The following SCG2 variants were observed in gnomAD, a reference collection of about 807,000 sequenced individuals.
SCG2 encodes secretogranin-2.
In SCG2, 23 loss-of-function variants were observed where a neutral mutation model predicts 49.5. That is an observed-to-expected ratio of 0.46 (90% CI 0.33 to 0.66). The LOEUF (loss-of-function observed/expected upper bound fraction) is 0.66, where lower values mean the gene tolerates loss of function less well. SCG2 is among the 30% of genes least tolerant of loss of function. The pLI, the probability that SCG2 is intolerant of heterozygous loss-of-function variation, is 0.01. For synonymous variants in SCG2, 288 were observed against 260.4 expected, an observed-to-expected ratio of 1.11 and a Z score of -1.02; for missense variants, 730 against 728.2, an observed-to-expected ratio of 1.00 and a Z score of -0.03.
At position 223,599,065 on chromosome 2, in the gene SCG2, T is replaced by C; in HGVS notation, c.218A>G (p.Glu73Gly). Residue 73 changes from glutamate to glycine, a missense_variant, in exon 2 of 2, where the codon GAA (glutamate) becomes GGA (glycine). Physicochemically the swap from Glu to Gly is moderately conservative, Grantham distance 98 (BLOSUM62 -2). Transcript: ENST00000305409. The stretch of plus-strand genomic sequence containing the variant: ...GTAGGGATTATAATCTGGGCTGCTT[T>C]CTTCCTTATGAGCTTGTTGTCGGAG... Reference protein sequence around the residue: ...ENLRQQAHKEESSPDYNPYQG... With the variant: ...ENLRQQAHKEGSSPDYNPYQG... 1 of 1,614,214 alleles carries C rather than the reference T, an allele frequency of 6.2e-7. No individual in the cohort carries two copies. Among genetic ancestry groups the C allele is most frequent in the Non-Finnish European group, 8.5e-7 (1 of 1,180,026 alleles).
chr2:223,602,255 C>T, intron 1 of SCG2, 30 bp downstream of exon 1: 1 of 152,124 alleles, frequency 6.6e-6, no homozygotes, highest in East Asian at 1.9e-4. Context: ...TTGGAACTTT[C>T]CAATAAATCA....
chr2:223,600,214 T>C (rs1243139724), intron 1 of SCG2, among the ~76,000 whole-genome samples: 1 of 152,208 alleles, frequency 6.6e-6, no homozygotes, highest in Non-Finnish European at 1.5e-5. Flanking sequence ...TTTTAGCTAG[T>C]CTATTTCTGA....
chr2:223,601,003 A>AT (rs923115814), intron 1 of SCG2, among the ~76,000 whole-genome samples: 13 of 151,932 alleles, frequency 8.6e-5, no homozygotes, highest in African/African-American at 1.9e-4. Flanking sequence ...TACTGAACTT[A>AT]TTTTTTTTGA....
chr2:223,599,229 T>C lies in SCG2; in HGVS notation c.54A>G (p.Leu18=). The change falls in exon 2 of 2, where the codon TTA becomes TTG. Residue 18 remains leucine, a synonymous_variant. Coordinates refer to ENST00000305409, the MANE Select transcript of SCG2 (RefSeq NM_003469.5). ...CTTCAGCCCCAGAGATGAGGAAAAT[T>C]AAAGGGATAAGAGACAGGGCTGCTC... ...WLGAALSLIP[L]IFLISGAEAA... is the part of the protein sequence containing the mutation. 6.2e-7 allele frequency: 1 copy of C among 1,608,752 alleles called. No homozygotes were observed. Among genetic ancestry groups the C allele is most frequent in the East Asian group, 2.2e-5 (1 of 44,694 alleles).
Position 223,598,364 on chromosome 2 carries a change from C to T in SCG2, c.919G>A (p.Val307Ile). The change falls in exon 2 of 2, where the codon GTC (valine) becomes ATC (isoleucine). Residue 307 changes from valine (V) to isoleucine (I), a missense_variant. By Grantham distance (29) the Val-to-Ile change is conservative. Coordinates refer to ENST00000305409, the MANE Select transcript of SCG2 (RefSeq NM_003469.5). ...TTCAAATAGGCAATTACTTTGGAGA[C>T]ATCATCTGAGAGTTGGTCTTTACTC... is the stretch of plus-strand genomic sequence containing the variant. ...KESKDQLSDD[V>I]SKVIAYLKRL... The T allele has an allele frequency of 6.2e-7, 1 of 1,614,070 alleles. No homozygotes were observed. Among genetic ancestry groups the T allele is most frequent in the Non-Finnish European group, 8.5e-7 (1 of 1,180,032 alleles).
rs757209616 is a variant in SCG2, at chr2:223,598,933, G to C, written c.350C>G (p.Ala117Gly). The change falls in exon 2 of 2, where the codon GCT becomes GGT. Residue 117 changes from alanine to glycine, a missense_variant. Ala to Gly is a moderately conservative substitution (Grantham distance 60). Transcript: ENST00000305409. Reference sequence around the variant, plus strand: ...AGGCTCATTTTCAGCCTGTCTCAAAGCTTCGAGTATTATTCTCATCCAGTC... The same window carrying C: ...AGGCTCATTTTCAGCCTGTCTCAAACCTTCGAGTATTATTCTCATCCAGTC... Reference protein sequence around the residue: ...EEDWMRIILEALRQAENEPQS... With the variant: ...EEDWMRIILEGLRQAENEPQS... 1 of 1,614,026 alleles carries C rather than the reference G, an allele frequency of 6.2e-7. No homozygotes were observed. The highest frequency in any genetic ancestry group is 1.3e-5 in the African/African-American group (1 of 74,912).
chr2:223,600,217 A>G (rs1187485589), intron 1 of SCG2, among the ~76,000 whole-genome samples: 1 of 152,176 alleles, frequency 6.6e-6, no homozygotes, highest in East Asian at 1.9e-4. Context: ...TAGCTAGTCT[A>G]TTTCTGAACT....
At position 223,598,366 on chromosome 2, in the gene SCG2, T is replaced by C; in HGVS notation, c.917A>G (p.Asp306Gly). Residue 306 changes from aspartate (D) to glycine (G), a missense_variant, in exon 2 of 2, where the codon GAT (aspartate) becomes GGT (glycine). Physicochemically the swap from Asp to Gly is moderately conservative, Grantham distance 94. Coordinates refer to ENST00000305409, the MANE Select transcript of SCG2 (RefSeq NM_003469.5). ...RKESKDQLSD[D>G]VSKVIAYLKR... ...CAAATAGGCAATTACTTTGGAGACA[T>C]CATCTGAGAGTTGGTCTTTACTCTC... 1.2e-6 allele frequency: 2 copies of C among 1,614,080 alleles called. No homozygotes were observed. Among genetic ancestry groups the C allele is most frequent in the Non-Finnish European group, 1.7e-6 (2 of 1,180,028 alleles).
In SCG2 at chr2:223,598,336, C is replaced by T. The variant is rs528005767; in HGVS notation, c.947G>A (p.Arg316Lys). 3.7e-6 allele frequency: 6 copies of T among 1,614,074 alleles called. No homozygotes were observed. The East Asian group carries it at 1.1e-4, about 30-fold the overall frequency. The change falls in exon 2 of 2, where the codon AGG becomes AAG. Residue 316 changes from arginine (R) to lysine (K), a missense_variant. Physicochemically the swap from Arg to Lys is conservative, Grantham distance 26. Coordinates refer to ENST00000305409, the MANE Select transcript of SCG2 (RefSeq NM_003469.5). Reference sequence around the variant, plus strand: ...CCCACTTCCTGCAGCATTTACTAACCTTTTCAAATAGGCAATTACTTTGGA... The same window carrying T: ...CCCACTTCCTGCAGCATTTACTAACTTTTTCAAATAGGCAATTACTTTGGA... ...DVSKVIAYLK[R>K]LVNAAGSGRL...
In SCG2 at chr2:223,598,260, T is replaced by C. The variant is rs140587903; in HGVS notation, c.1023A>G (p.Lys341=). Residue 341 remains lysine (K), a synonymous_variant, in exon 2 of 2, where the codon AAA becomes AAG. Transcript: ENST00000305409. The stretch of plus-strand genomic sequence containing the variant: ...GATAAATAGACTGAGAATCAAGAGG[T>C]TTCTCAAAAAGCCTGGTGGCCCTTT... ...NGERATRLFE[K]PLDSQSIYQL... is the part of the protein sequence containing the mutation. The C allele has an allele frequency of 1.7e-4, 271 of 1,614,080 alleles. 1 individual carries two copies. The East Asian group carries it at 6.0e-3, about 36-fold the overall frequency.
intron 1 of SCG2, among the ~76,000 whole-genome samples, chr2:223,600,174 T>C (rs1346504803): frequency 1.3e-5 from 2 of 152,220 alleles, no homozygotes; most frequent in African/African-American, 4.8e-5. Flanking sequence ...TAGTAAATAA[T>C]AACAGATGCT....
In SCG2 at chr2:223,597,593, G is replaced by T; in HGVS notation, c.1690C>A (p.Pro564Thr). Residue 564 changes from proline to threonine, a missense_variant, in exon 2 of 2, where the codon CCG (proline) becomes ACG (threonine). Pro to Thr is a conservative substitution (Grantham distance 38). Coordinates refer to ENST00000305409, the MANE Select transcript of SCG2 (RefSeq NM_003469.5). ...CCCACAGGGAACCTTTTGCTCACCG[G>T]GGCCAGCTTGTCAGTCTCCTGAGAG... is the stretch of plus-strand genomic sequence containing the variant. ...GSSQETDKLA[P>T]VSKRFPVGPP... The T allele has an allele frequency of 1.2e-6, 2 of 1,614,032 alleles. No individual in the cohort carries two copies. Among genetic ancestry groups the T allele is most frequent in the Non-Finnish European group, 8.5e-7 (1 of 1,179,988 alleles).
In SCG2 at chr2:223,597,401, T is replaced by A. The variant is rs370924598; in HGVS notation, c.*28A>T. 186 of 1,556,104 alleles carry A rather than the reference T, an allele frequency of 1.2e-4. No homozygotes were observed. Among genetic ancestry groups the A allele is most frequent in the South Asian group, 4.5e-4 (36 of 80,032 alleles). ...TGGGATTTGCTTGGGGTGGGAGGAA[T>A]GAAAGTAGGGTAATTAATGAAAGCA... On this transcript the variant is annotated 3_prime_UTR_variant, in exon 2 of 2. Transcript: ENST00000305409.
At position 223,598,492 on chromosome 2, in the gene SCG2, T is replaced by C. The variant is rs1292566311; in HGVS notation, c.791A>G (p.Glu264Gly). 3.0e-5 allele frequency: 48 copies of C among 1,613,924 alleles called. No homozygotes were observed. Among genetic ancestry groups the C allele is most frequent in the Non-Finnish European group, 3.8e-5 (45 of 1,180,030 alleles). ...TATATTCTCTTTGCTGTCTCTCACC[T>C]CTTCCTGGGTTTGACTCTCTATTTT... The part of the protein sequence containing the change: ...EEKIESQTQE[E>G]VRDSKENIEK... Residue 264 changes from glutamate (E) to glycine (G), a missense_variant, in exon 2 of 2, where the codon GAG becomes GGG. Transcript: ENST00000305409.
chr2:223,601,559 T>C (rs1411739082), intron 1 of SCG2, among the ~76,000 whole-genome samples: 4 of 152,160 alleles, frequency 2.6e-5, no homozygotes, highest in Non-Finnish European at 5.9e-5. Flanking sequence ...ATTTACAAAG[T>C]TATGAGTATT....
intron 1 of SCG2, among the ~76,000 whole-genome samples, chr2:223,601,860 C>A (rs1691395560): frequency 6.6e-6 from 1 of 152,122 alleles, no homozygotes; most frequent in Non-Finnish European, 1.5e-5. Context: ...GCTTGACAGC[C>A]TTTGTATCAT....
At position 223,597,207 on chromosome 2, in the gene SCG2, A is replaced by G; in HGVS notation, c.*222T>C. 1 of 431,042 alleles carries G rather than the reference A, an allele frequency of 2.3e-6. No individual in the cohort carries two copies. Among genetic ancestry groups the G allele is most frequent in the Non-Finnish European group, 4.0e-6 (1 of 248,820 alleles). 26.7% of individuals were successfully genotyped at this position (431,042 alleles called of 1,614,324 possible). On this transcript the variant is annotated 3_prime_UTR_variant, in exon 2 of 2. Coordinates refer to ENST00000305409, the MANE Select transcript of SCG2 (RefSeq NM_003469.5). The stretch of plus-strand genomic sequence containing the variant: ...GATATCTTTCTTGAATAATGGACAT[A>G]ATAAATTTTTTATCAAGGAGTCATA...
chr2:223,600,838 A>G (rs1691378426), intron 1 of SCG2, among the ~76,000 whole-genome samples: 1 of 152,182 alleles, frequency 6.6e-6, no homozygotes, highest in Non-Finnish European at 1.5e-5. Flanking sequence ...AATATTTATT[A>G]TAAATACATG....
In SCG2 at chr2:223,598,980, C is replaced by T; in HGVS notation, c.303G>A (p.Glu101=). 1.9e-6 allele frequency: 3 copies of T among 1,614,184 alleles called. No individual in the cohort carries two copies. In the Admixed American group the frequency reaches 5.0e-5, roughly 27 times the overall value. ...AGTCTTCTTCACTCAGTGAATCCCT[C>T]TCGGGCAAGTGGCTTTCATCGCCAT... The part of the protein sequence containing the change: ...KENGDESHLP[E]RDSLSEEDWM... Residue 101 remains glutamate, a synonymous_variant, in exon 2 of 2, where the codon GAG becomes GAA. Coordinates refer to ENST00000305409, the MANE Select transcript of SCG2 (RefSeq NM_003469.5).
Sources: allele counts gnomAD v4.1 joint callset (sites outside exome capture counted in the v4.1 genomes callset), GRCh38; gene constraint gnomAD v4.1.1; transcripts MANE v1.5; gene names NCBI Gene and HGNC (gene_info 2026-07-23, HGNC 2026-07-21).